Variants in TXNRD3 observed in about 807,000 individuals in gnomAD.
TXNRD3 encodes the protein TXNRD3 neighbor gene protein.
Under a neutral mutation model 78.2 loss-of-function variants are expected in TXNRD3, and 68 were observed. That is an observed-to-expected ratio of 0.87 (90% CI 0.72 to 1.06). The LOEUF is 1.06. Ranked by LOEUF, TXNRD3 falls within the 50% of genes least tolerant of loss-of-function variation. The pLI is 0.00. For synonymous variants in TXNRD3, 296 were observed against 300.1 expected (o/e 0.99, Z 0.14); for missense variants, 751 against 809.5 (o/e 0.93, Z 0.88).
intron 6 of TXNRD3, among the ~76,000 whole-genome samples, chr3:126,641,183 A>G (rs1361930070): frequency 6.6e-6 from 1 of 152,106 alleles, no homozygotes; most frequent in Admixed American, 6.5e-5. Context: ...TTCCAGCTGC[A>G]GTGCCCACTT....
intron 14 of TXNRD3, among the ~76,000 whole-genome samples, chr3:126,610,176 C>T (rs1217259911): frequency 2.0e-5 from 3 of 152,164 alleles, no homozygotes; most frequent in Non-Finnish European, 4.4e-5. Context: ...GCCTGCAACA[C>T]CCTGTTTTCT....
intron 10 of TXNRD3, among the ~76,000 whole-genome samples, chr3:126,628,553 C>CA (rs1296523974): frequency 6.6e-6 from 1 of 150,960 alleles, no homozygotes; most frequent in Non-Finnish European, 1.5e-5. Context: ...GTGACATTTT[C>CA]AAAAAAAATA....
intron 13 of TXNRD3, 44 bp from the exon 14 acceptor site, chr3:126,611,176 G>C: frequency 5.6e-6 from 7 of 1,244,696 alleles, no homozygotes; most frequent in Non-Finnish European, 7.6e-6. Context: ...AATGTATATG[G>C]AAACCATTCC....
intron 1 of TXNRD3, among the ~76,000 whole-genome samples, chr3:126,651,050 C>T (rs1278696122): frequency 1.3e-5 from 2 of 152,146 alleles, no homozygotes; most frequent in East Asian, 1.9e-4. Flanking sequence ...TTATTGAATG[C>T]CATTAGCAGC....
Position 126,642,109 on chromosome 3 carries a change from T to A in TXNRD3, c.635A>T (p.Lys212Ile), listed in dbSNP as rs183140827. 3.3e-4 allele frequency: 505 copies of A among 1,536,332 alleles called. 7 individuals carry two copies. In the South Asian group the frequency reaches 4.4e-3, roughly 13 times the overall value. Reference sequence around the variant, plus strand: ...CAAAAGGGCAGCCTGATGCATCAATTTCTTAGGAATACAACCTACATTTAC... The same window carrying A: ...CAAAAGGGCAGCCTGATGCATCAATATCTTAGGAATACAACCTACATTTAC... Residue 212 changes from lysine to isoleucine, a missense_variant, in exon 6 of 16, where the codon AAA becomes ATA. By Grantham distance (102) the Lys-to-Ile change is moderately radical. Transcript: ENST00000524230.
chr3:126,635,783 GT>G (rs1938845887), intron 6 of TXNRD3, among the ~76,000 whole-genome samples: 1 of 151,926 alleles, frequency 6.6e-6, no homozygotes. Flanking sequence ...TTTATTTCAA[GT>G]TATTTTCATT....
chr3:126,650,296 G>A (rs1933356399), intron 1 of TXNRD3, among the ~76,000 whole-genome samples: 1 of 152,200 alleles, frequency 6.6e-6, no homozygotes. Context: ...TCACAAGCGT[G>A]AGATGACTTT....
intron 8 of TXNRD3, 88 bp from the exon 9 acceptor site, chr3:126,631,025 A>G: frequency 7.9e-7 from 1 of 1,269,936 alleles, no homozygotes; most frequent in East Asian, 2.5e-5. Context: ...TCTTGTGATG[A>G]CTGAATTATA....
intron 6 of TXNRD3, among the ~76,000 whole-genome samples, chr3:126,634,876 C>G (rs1938816281): frequency 6.6e-6 from 1 of 152,162 alleles, no homozygotes. Context: ...CCCTACTCAT[C>G]CAGGGACATG....
At chr3:126,612,846 T>C (rs972323342) in intron 13 of TXNRD3, among the ~76,000 whole-genome samples, 1 of 152,254 alleles carries the variant, frequency 6.6e-6, no homozygotes, top group Non-Finnish European at 1.5e-5. Flanking sequence ...TACCCACTTA[T>C]TCCAGCACCC....
intron 12 of TXNRD3, among the ~76,000 whole-genome samples, chr3:126,617,849 C>CCTTTTTTTTTTTTTTTTTTTT (rs1938352762): frequency 6.6e-6 from 1 of 152,126 alleles, no homozygotes. Flanking sequence ...ACCAAAAATT[C>CCTTTTTTTTTTTTTTTTTTTT]TTAGAACTGA....
At chr3:126,616,508 G>A (rs1938322800) in intron 12 of TXNRD3, among the ~76,000 whole-genome samples, 1 of 152,146 alleles carries the variant, frequency 6.6e-6, no homozygotes, top group Non-Finnish European at 1.5e-5. Context: ...TTTCCAGGTG[G>A]TAGAGGAACG....
At chr3:126,649,508 A>G (rs1264283982) in intron 1 of TXNRD3, among the ~76,000 whole-genome samples, 6 of 152,356 alleles carry the variant, frequency 3.9e-5, no homozygotes, top group Non-Finnish European at 8.8e-5. Context: ...ACCAAAAGGA[A>G]CTGAAAGCAG....
At chr3:126,652,605 T>C (rs773035043) in intron 1 of TXNRD3, among the ~76,000 whole-genome samples, 12 of 152,182 alleles carry the variant, frequency 7.9e-5, no homozygotes, top group Non-Finnish European at 1.3e-4. Context: ...GGTACTCCGG[T>C]TTCCTCCCAC....
At chr3:126,617,308 C>T (rs1402417416) in intron 12 of TXNRD3, among the ~76,000 whole-genome samples, 2 of 152,188 alleles carry the variant, frequency 1.3e-5, no homozygotes, top group Admixed American at 6.5e-5. Flanking sequence ...TGATTAACTC[C>T]TTACAGCATC....
At chr3:126,653,003 C>T (rs1049839540) in intron 1 of TXNRD3, among the ~76,000 whole-genome samples, 26 of 152,166 alleles carry the variant, frequency 1.7e-4, no homozygotes, top group Non-Finnish European at 1.2e-4. Context: ...TTATTTCACC[C>T]ACCACCATTA....
At chr3:126,635,752 T>A (rs1938844494) in intron 6 of TXNRD3, among the ~76,000 whole-genome samples, 1 of 152,202 alleles carries the variant, frequency 6.6e-6, no homozygotes, top group Non-Finnish European at 1.5e-5. Context: ...TCCTTATATA[T>A]CCTGTACATT....
chr3:126,640,725 T>A (rs1933055670), intron 6 of TXNRD3, among the ~76,000 whole-genome samples: 1 of 152,194 alleles, frequency 6.6e-6, no homozygotes. Context: ...TGCCTTCAAC[T>A]ACCCTTCAAC....
intron 13 of TXNRD3, among the ~76,000 whole-genome samples, chr3:126,614,887 T>C (rs917644090): frequency 2.0e-5 from 3 of 152,036 alleles, no homozygotes; most frequent in Admixed American, 6.5e-5. Context: ...CAAGAAATGA[T>C]GTAAGAAAAT....
Sources: gnomAD v4.1 joint callset for allele counts (sites outside exome capture counted in the v4.1 genomes callset) on GRCh38, gnomAD v4.1.1 for gene constraint, MANE v1.5 for transcripts, NCBI Gene and HGNC (gene_info 2026-07-23, HGNC 2026-07-21) for gene names.